The following GPM6A variants were observed in gnomAD, a reference collection of about 807,000 sequenced individuals.
GPM6A encodes glycoprotein M6A, also known as neuronal membrane glycoprotein M6-a.
GPM6A carries 7 observed loss-of-function variants against 32.1 expected under a neutral mutation model. The ratio of observed to expected loss-of-function variants is 0.22; its 90% CI spans 0.12 to 0.41. The LOEUF (loss-of-function observed/expected upper bound fraction) is 0.41. Ranked by LOEUF, GPM6A falls within the 10% of genes least tolerant of loss-of-function variation. The pLI, the probability that GPM6A is intolerant of heterozygous loss-of-function variation, is 1.00. For missense variants in GPM6A, 235 were observed against 347.2 expected (o/e 0.68, Z 2.57); for synonymous variants, 130 against 123.4 (o/e 1.05, Z -0.35).
chr4:175,701,859 G>T (rs1744899837), intron 1 of GPM6A, 92 bp from the exon 2 acceptor site: 3 of 805,844 alleles, frequency 3.7e-6, no homozygotes, highest in Non-Finnish European at 6.0e-6. Flanking sequence ...AAGTATATTT[G>T]CACTGACAAT....
Position 175,732,746 on chromosome 4 carries a change from T to C in GPM6A, c.38-30979A>G, listed in dbSNP as rs150716562. On this transcript the variant is annotated intron_variant, in intron 1 of 6. Coordinates refer to ENST00000393658, the MANE Select transcript of GPM6A (RefSeq NM_201591.3). ...AGCTTATTGTAGCTTCTTATGATAC[T>C]TCTTCATACATTGAAGGTTATCATC... 2.1e-3 allele frequency among the ~76,000 whole-genome samples: 314 copies of C among 152,358 alleles called. 4 individuals carry two copies. Among genetic ancestry groups the C allele is most frequent in the Middle Eastern group, 0.01 (3 of 294 alleles).
At chr4:175,666,126 G>T (rs932711866) in intron 3 of GPM6A, among the ~76,000 whole-genome samples, 1 of 151,830 alleles carries the variant, frequency 6.6e-6, no homozygotes, top group African/African-American at 2.4e-5. Context: ...CACCATGTTG[G>T]CCAGGCTGGT....
intron 1 of GPM6A, among the ~76,000 whole-genome samples, chr4:175,833,227 C>G (rs12504803): frequency 0.061 from 9,316 of 152,082 alleles, 334 homozygotes; most frequent in East Asian, 0.11. Context: ...GATAAAGACT[C>G]CTGGGGGTGG....
At chr4:175,812,268 CA>C (rs762981651), upstream of GPM6A, 12 of 1,234,256 alleles carry the variant, frequency 9.7e-6, 1 homozygote, top group African/African-American at 2.2e-4. Context: ...CGGAATTAAT[CA>C]AAAGCTCAAT....
At chr4:175,762,397 C>T (rs1732784052) in intron 1 of GPM6A, among the ~76,000 whole-genome samples, 1 of 152,158 alleles carries the variant, frequency 6.6e-6, no homozygotes. Flanking sequence ...ATTCACCCAA[C>T]AACATTTAGA....
chr4:175,872,599 T>C (rs188241283), intron 1 of GPM6A: 4 of 152,320 alleles, frequency 2.6e-5, no homozygotes, highest in Admixed American at 1.3e-4. Context: ...CCTTTGATCA[T>C]AGTGAATATA....
At chr4:175,990,997 T>C (rs1018936095) in intron 1 of GPM6A, among the ~76,000 whole-genome samples, 6 of 152,066 alleles carry the variant, frequency 3.9e-5, no homozygotes, top group Non-Finnish European at 7.4e-5. Context: ...TTTAGAGAAA[T>C]TTGCTTTCTT....
At chr4:175,842,379 GT>G (rs1036931695) in intron 1 of GPM6A, among the ~76,000 whole-genome samples, 8 of 151,878 alleles carry the variant, frequency 5.3e-5, no homozygotes, top group African/African-American at 1.7e-4. Context: ...ACTGTTATCA[GT>G]TTTTTTTAAC....
chr4:175,969,118 A>C (rs988848383), intron 1 of GPM6A, among the ~76,000 whole-genome samples: 2 of 152,206 alleles, frequency 1.3e-5, no homozygotes, highest in African/African-American at 4.8e-5. Flanking sequence ...AAAGATAAGG[A>C]ATCTTAAATA....
At chr4:175,708,290 CTG>C (rs1745321979) in intron 1 of GPM6A, among the ~76,000 whole-genome samples, 1 of 152,106 alleles carries the variant, frequency 6.6e-6, no homozygotes, top group Non-Finnish European at 1.5e-5. Flanking sequence ...GAAGGAATAA[CTG>C]TGATGACATT....
chr4:175,701,818 A>T (rs1052981819), intron 1 of GPM6A, 51 bp from the exon 2 acceptor site: 12 of 1,321,746 alleles, frequency 9.1e-6, no homozygotes, highest in African/African-American at 6.0e-5. Context: ...ACCTAATTTA[A>T]TTTTTTTTTT....
intron 3 of GPM6A, among the ~76,000 whole-genome samples, chr4:175,657,880 G>C (rs1050059794): frequency 5.3e-5 from 8 of 152,142 alleles, no homozygotes; most frequent in Non-Finnish European, 1.0e-4. Context: ...AAGTCAAAGG[G>C]AAGAAAATGA....
intron 1 of GPM6A, among the ~76,000 whole-genome samples, chr4:175,756,288 G>T (rs559636818): frequency 6.6e-6 from 1 of 152,214 alleles, no homozygotes; most frequent in East Asian, 1.9e-4. Flanking sequence ...GAAGCTCTCT[G>T]AAGGATGGGT....
chr4:175,691,073 A>G (rs1302499861), intron 2 of GPM6A, among the ~76,000 whole-genome samples: 1 of 152,214 alleles, frequency 6.6e-6, no homozygotes, highest in Non-Finnish European at 1.5e-5. Flanking sequence ...GTGTCCTTTT[A>G]TCAACATGCA....
At chr4:175,910,172 T>G (rs556845889) in intron 1 of GPM6A, among the ~76,000 whole-genome samples, 1 of 152,226 alleles carries the variant, frequency 6.6e-6, no homozygotes, top group South Asian at 2.1e-4. Context: ...CAACCATCTC[T>G]CTCAAGCCAG....
At chr4:175,985,955 G>A (rs1658479054) in intron 1 of GPM6A, among the ~76,000 whole-genome samples, 1 of 151,842 alleles carries the variant, frequency 6.6e-6, no homozygotes. Flanking sequence ...ACAGGCACGT[G>A]CCACCATACC....
intron 1 of GPM6A, among the ~76,000 whole-genome samples, chr4:175,708,468 C>T (rs1049898449): frequency 3.3e-5 from 5 of 151,984 alleles, no homozygotes; most frequent in Admixed American, 3.3e-4. Flanking sequence ...TCACTGCAAC[C>T]TCCGCCTCCT....
intron 1 of GPM6A, among the ~76,000 whole-genome samples, chr4:175,773,681 T>C (rs1733281393): frequency 6.6e-6 from 1 of 152,116 alleles, no homozygotes; most frequent in Non-Finnish European, 1.5e-5. Flanking sequence ...ACAATTTGAA[T>C]GGGGAGAGAA....
intron 1 of GPM6A, among the ~76,000 whole-genome samples, chr4:175,741,610 A>G (rs1018540096): frequency 1.3e-5 from 2 of 152,122 alleles, no homozygotes; most frequent in Admixed American, 1.3e-4. Context: ...TAGGTTCTAC[A>G]CACTACTTTA....
Sources: allele counts gnomAD v4.1 joint callset (sites outside exome capture counted in the v4.1 genomes callset), GRCh38; gene constraint gnomAD v4.1.1; transcripts MANE v1.5; gene names NCBI Gene and HGNC (gene_info 2026-07-23, HGNC 2026-07-21).